KIAA1328: variants seen among roughly 807,000 people sequenced by gnomAD.
KIAA1328 encodes protein hinderin.
A neutral mutation model predicts 68.1 loss-of-function variants in KIAA1328; 52 were observed. The observed-to-expected ratio is 0.76, with a 90% confidence interval of 0.61 to 0.96. KIAA1328 has a LOEUF of 0.96. Among genes scored for constraint, KIAA1328 ranks in the 40% least tolerant of loss-of-function variants. The pLI is 0.00. For synonymous variants in KIAA1328, 232 were observed against 239.4 expected (o/e 0.97, Z 0.28); for missense variants, 641 against 677.6 (o/e 0.95, Z 0.60).
At chr18:36,972,289 A>G (rs2052255153) in intron 6 of KIAA1328, among the ~76,000 whole-genome samples, 1 of 152,218 alleles carries the variant, frequency 6.6e-6, no homozygotes, top group African/African-American at 2.4e-5. Context: ...ATCATTCAGG[A>G]TACCTTTTGT....
At chr18:36,897,157 T>A (rs2048892157) in intron 5 of KIAA1328, among the ~76,000 whole-genome samples, 1 of 152,058 alleles carries the variant, frequency 6.6e-6, no homozygotes, top group African/African-American at 2.4e-5. Context: ...TGGTAAGGAT[T>A]ATCATCTTCC....
At position 37,067,042 on chromosome 18, in the gene KIAA1328, G is replaced by A. The variant is rs1380842533; in HGVS notation, c.729G>A (p.Arg243=). 35 of 1,613,756 alleles carry A rather than the reference G, an allele frequency of 2.2e-5. No homozygotes were observed. The highest frequency in any genetic ancestry group is 2.7e-5 in the Non-Finnish European group (32 of 1,179,880). Residue 243 remains arginine, a synonymous_variant, in exon 7 of 10, where the codon AGG becomes AGA. Transcript: ENST00000280020. The part of the protein sequence containing the change: ...DSASESLIAF[R]NNSLKPVTLH... ...CTTCAGAATCCCTTATAGCATTTAG[G>A]AATAATTCTTTGAAACCAGTAACCC...
At chr18:37,050,340 GT>G (rs1189135443) in intron 6 of KIAA1328, among the ~76,000 whole-genome samples, 1 of 152,072 alleles carries the variant, frequency 6.6e-6, no homozygotes, top group Non-Finnish European at 1.5e-5. Flanking sequence ...TTTATGTTTT[GT>G]TTTTATTTTA....
intron 5 of KIAA1328, among the ~76,000 whole-genome samples, chr18:36,952,259 C>T (rs921908251): frequency 6.6e-6 from 1 of 152,116 alleles, no homozygotes. Flanking sequence ...TTCTCTGGAG[C>T]CTTTCCTAAC....
chr18:37,028,926 G>A (rs555392802), intron 6 of KIAA1328, among the ~76,000 whole-genome samples: 5 of 152,172 alleles, frequency 3.3e-5, no homozygotes, highest in African/African-American at 9.6e-5. Flanking sequence ...GTTTGCTAGT[G>A]TTTTGTTGAG....
chr18:36,867,913 C>T (rs1348796935), intron 4 of KIAA1328, among the ~76,000 whole-genome samples: 2 of 152,084 alleles, frequency 1.3e-5, no homozygotes, highest in Non-Finnish European at 2.9e-5. Flanking sequence ...GGTTAGGCCC[C>T]ATAGACTAAA....
At position 37,067,532 on chromosome 18, in the gene KIAA1328, C is replaced by A. The variant is rs949911937; in HGVS notation, c.1219C>A (p.Leu407Met). ...ACAGCAGCAGCTTCACCAGTCTCGACTGGATTACAATTGGTGAGTACTGCC... is the reference window on the plus strand; with the variant it reads ...ACAGCAGCAGCTTCACCAGTCTCGAATGGATTACAATTGGTGAGTACTGCC... ...LKQQQLHQSR[L>M]DYNCLLKSNC... is the part of the protein sequence containing the mutation. The change falls in exon 7 of 10, where the codon CTG becomes ATG. Residue 407 changes from leucine to methionine, a missense_variant. By Grantham distance (15) the Leu-to-Met change is conservative. Coordinates refer to ENST00000280020, the MANE Select transcript of KIAA1328 (RefSeq NM_020776.3). 154 of 1,529,968 alleles carry A rather than the reference C, an allele frequency of 1.0e-4. No individual in the cohort carries two copies. Among genetic ancestry groups the A allele is most frequent in the Non-Finnish European group, 1.3e-4 (150 of 1,142,986 alleles). 94.8% of individuals were successfully genotyped at this position (1,529,968 alleles called of 1,614,324 possible).
intron 7 of KIAA1328, among the ~76,000 whole-genome samples, chr18:37,087,119 G>T (rs1284854276): frequency 6.6e-6 from 1 of 152,082 alleles, no homozygotes; most frequent in African/African-American, 2.4e-5. Flanking sequence ...AAGTTCAGCG[G>T]CACAATCACA....
intron 5 of KIAA1328, among the ~76,000 whole-genome samples, chr18:36,936,239 C>T (rs1568184288): frequency 6.6e-6 from 1 of 152,006 alleles, no homozygotes; most frequent in Non-Finnish European, 1.5e-5. Context: ...TGGTGGTTTG[C>T]TGCACCTATC....
intron 5 of KIAA1328, among the ~76,000 whole-genome samples, chr18:36,891,134 C>T (rs1035839046): frequency 6.6e-6 from 1 of 152,052 alleles, no homozygotes; most frequent in Non-Finnish European, 1.5e-5. Flanking sequence ...AGTATTGTGA[C>T]AATTGGAGAG....
At chr18:37,077,301 C>T (rs763553688) in intron 7 of KIAA1328, among the ~76,000 whole-genome samples, 2 of 75,746 alleles carry the variant, frequency 2.6e-5, no homozygotes, top group Admixed American at 1.3e-4. Flanking sequence ...ATGCTAAAAA[C>T]TCAATAAATT....
At chr18:36,947,218 G>A (rs1223974728) in intron 5 of KIAA1328, among the ~76,000 whole-genome samples, 1 of 152,150 alleles carries the variant, frequency 6.6e-6, no homozygotes, top group Non-Finnish European at 1.5e-5. Context: ...AGTTCAAGGA[G>A]ACAAATATAG....
chr18:36,933,957 C>T lies in KIAA1328; in HGVS notation c.449-25351C>T, dbSNP rs73947071. Among the ~76,000 whole-genome samples the T allele has an allele frequency of 2.4e-3, 371 of 152,316 alleles. 2 individuals are homozygous for T. Among genetic ancestry groups the T allele is most frequent in the African/African-American group, 8.5e-3 (355 of 41,572 alleles). Reference sequence around the variant, plus strand: ...GGGATAGGCGCCTGTGGCCATTTTACACTGCAGCTGCCCCGTGTGTAAAAG... The same window carrying T: ...GGGATAGGCGCCTGTGGCCATTTTATACTGCAGCTGCCCCGTGTGTAAAAG... On this transcript the variant is annotated intron_variant, in intron 5 of 9. Transcript: ENST00000280020.
intron 5 of KIAA1328, among the ~76,000 whole-genome samples, chr18:36,912,792 GTC>G (rs999909362): frequency 2.0e-5 from 3 of 152,180 alleles, no homozygotes; most frequent in African/African-American, 7.2e-5. Flanking sequence ...ATGGGTGAGA[GTC>G]TGAGAATGAT....
chr18:37,105,117 T>G (rs1236271519), intron 7 of KIAA1328, among the ~76,000 whole-genome samples: 1 of 152,230 alleles, frequency 6.6e-6, no homozygotes, highest in Non-Finnish European at 1.5e-5. Context: ...GCAACATGAC[T>G]GATTAACATG....
At chr18:36,933,702 C>T (rs1282152464) in intron 5 of KIAA1328, among the ~76,000 whole-genome samples, 1 of 152,202 alleles carries the variant, frequency 6.6e-6, no homozygotes, top group African/African-American at 2.4e-5. Context: ...GCTTCCTGGC[C>T]ACTGAGAAAG....
intron 5 of KIAA1328, among the ~76,000 whole-genome samples, chr18:36,950,297 G>T (rs527338602): frequency 6.6e-6 from 1 of 152,204 alleles, no homozygotes; most frequent in East Asian, 1.9e-4. Context: ...CATCTTCTTG[G>T]CTGGTTTAAA....
chr18:37,067,814 T>C (rs2056399332), intron 7 of KIAA1328, among the ~76,000 whole-genome samples: 1 of 152,010 alleles, frequency 6.6e-6, no homozygotes, highest in Non-Finnish European at 1.5e-5. Flanking sequence ...CGCCTTGACC[T>C]CCCAAAGTGT....
chr18:37,138,965 T>TTTC (rs1354514944), intron 7 of KIAA1328, among the ~76,000 whole-genome samples: 1 of 138,878 alleles, frequency 7.2e-6, no homozygotes, highest in Non-Finnish European at 1.6e-5. Flanking sequence ...TTTTTTTTTT[T>TTTC]TTTTTTTTTG....
Sources: allele counts gnomAD v4.1 joint callset (sites outside exome capture counted in the v4.1 genomes callset), GRCh38; gene constraint gnomAD v4.1.1; transcripts MANE v1.5; gene names NCBI Gene and HGNC (gene_info 2026-07-23, HGNC 2026-07-21).